Variants in GOLGA8B observed in about 807,000 individuals in gnomAD.
GOLGA8B encodes the protein golgin A8 family member B.
Under a neutral mutation model 15.6 loss-of-function variants are expected in GOLGA8B, and 1 was observed. That is an observed-to-expected ratio of 0.06 (90% CI 0.02 to 0.30). The LOEUF (loss-of-function observed/expected upper bound fraction) is 0.30, where lower values mean the gene tolerates loss of function less well. Ranked by LOEUF, GOLGA8B falls within the 10% of genes least tolerant of loss-of-function variation. The probability of loss-of-function intolerance (pLI) is 1.00; values close to 1 mark genes in which losing one functional copy is unlikely to be tolerated. For missense variants in GOLGA8B, 17 were observed against 201.3 expected (o/e 0.08, Z 5.54); for synonymous variants, 9 against 80.3 (o/e 0.11, Z 4.75).
intron 1 of GOLGA8B, among the ~76,000 whole-genome samples, chr15:34,572,071 T>C (rs1207772761): frequency 6.6e-6 from 1 of 152,234 alleles, no homozygotes; most frequent in Admixed American, 6.5e-5. Context: ...CTTGTTATCA[T>C]TCACAATTTT....
At chr15:34,573,736 T>C (rs1888989144) in intron 1 of GOLGA8B, among the ~76,000 whole-genome samples, 1 of 151,912 alleles carries the variant, frequency 6.6e-6, no homozygotes, top group African/African-American at 2.4e-5. Flanking sequence ...ACAGAGCAAA[T>C]CCACCTACTG....
intron 1 of GOLGA8B, among the ~76,000 whole-genome samples, chr15:34,578,067 T>G (rs1234791780): frequency 6.6e-6 from 1 of 152,190 alleles, no homozygotes; most frequent in Admixed American, 6.5e-5. Flanking sequence ...CATATGTATC[T>G]CAACTGAAAA....
rs1251629620 is a variant in GOLGA8B, at chr15:34,527,217, G to A, written c.*415C>T. 1.5e-5 allele frequency: 5 copies of A among 331,914 alleles called. No individual in the cohort carries two copies. The highest frequency in any genetic ancestry group is 2.9e-5 in the Non-Finnish European group (5 of 174,058). 20.6% of individuals were successfully genotyped at this position (331,914 alleles called of 1,614,324 possible). ...TAAGATGAGATCAAACATCATAGCA[G>A]AACATTAGCAAATTTTATCTGAATT... On this transcript the variant is annotated 3_prime_UTR_variant, in exon 24 of 24. Coordinates refer to ENST00000683415, the MANE Select transcript of GOLGA8B (RefSeq NM_001023567.5).
chr15:34,569,236 A>G (rs1446325134), intron 1 of GOLGA8B, among the ~76,000 whole-genome samples: 1 of 144,106 alleles, frequency 6.9e-6, no homozygotes, highest in Non-Finnish European at 1.5e-5. Context: ...GTCTGAATGA[A>G]GCCAGAAATG....
chr15:34,564,830 T>C (rs138042375), intron 1 of GOLGA8B, among the ~76,000 whole-genome samples: 2,243 of 144,128 alleles, frequency 0.016, 375 homozygotes, highest in Non-Finnish European at 0.026. Context: ...GTGGGAGGAC[T>C]TCCTGTGTCA....
At chr15:34,575,662 T>C (rs1328598489) in intron 1 of GOLGA8B, among the ~76,000 whole-genome samples, 2 of 152,168 alleles carry the variant, frequency 1.3e-5, no homozygotes, top group Non-Finnish European at 2.9e-5. Context: ...AGGGCTCTTC[T>C]GGCCTGGGCT....
At chr15:34,582,960 G>A (rs1348296435) in intron 1 of GOLGA8B, 2 of 152,230 alleles carry the variant, frequency 1.3e-5, no homozygotes, top group African/African-American at 4.8e-5. Flanking sequence ...GGGGCAACAA[G>A]GTGTGGGGTT....
chr15:34,567,495 G>T (rs150137652), intron 1 of GOLGA8B, among the ~76,000 whole-genome samples: 3 of 150,844 alleles, frequency 2.0e-5, no homozygotes, highest in South Asian at 2.1e-4. Flanking sequence ...CATTAAACGA[G>T]AAGAAAATCG....
chr15:34,539,679 AT>A (rs894998504), intron 7 of GOLGA8B, among the ~76,000 whole-genome samples: 1 of 33,528 alleles, frequency 3.0e-5, no homozygotes, highest in African/African-American at 1.4e-4. Context: ...TCTGTCCAGG[AT>A]TTTTCTCTGA....
chr15:34,567,908 C>G (rs545609607), intron 1 of GOLGA8B, among the ~76,000 whole-genome samples: 5,151 of 151,770 alleles, frequency 0.034, 153 homozygotes, highest in African/African-American at 0.12. Flanking sequence ...AAGCCACTTA[C>G]CCCTTTTTCA....
chr15:34,556,877 G>A (rs1310535843), intron 1 of GOLGA8B: 2 of 815,328 alleles, frequency 2.5e-6, no homozygotes, highest in African/African-American at 1.8e-5. Context: ...GGACCTCAGG[G>A]TACAGGCCTC....
intron 1 of GOLGA8B, among the ~76,000 whole-genome samples, chr15:34,571,280 T>A (rs1046225899): frequency 2.6e-5 from 4 of 151,892 alleles, no homozygotes; most frequent in Non-Finnish European, 5.9e-5. Flanking sequence ...ACCGCTGCAA[T>A]CCAGCCTGGG....
At chr15:34,567,248 A>C (rs1269366329) in intron 1 of GOLGA8B, among the ~76,000 whole-genome samples, 1 of 145,322 alleles carries the variant, frequency 6.9e-6, no homozygotes, top group African/African-American at 2.6e-5. Context: ...CCTGGCCAAC[A>C]GGGCAGCCCA....
chr15:34,583,259 G>T (rs1324821654), intron 1 of GOLGA8B, among the ~76,000 whole-genome samples: 6 of 151,854 alleles, frequency 4.0e-5, no homozygotes, highest in Non-Finnish European at 2.9e-5. Context: ...CGAGAGTATT[G>T]CCTGGTCCCC....
chr15:34,575,453 T>C (rs1346497620), intron 1 of GOLGA8B, among the ~76,000 whole-genome samples: 1 of 151,866 alleles, frequency 6.6e-6, no homozygotes, highest in Admixed American at 6.6e-5. Context: ...TGGTAAAATA[T>C]GTGTTGTTAT....
intron 1 of GOLGA8B, among the ~76,000 whole-genome samples, chr15:34,577,306 T>C (rs1239596424): frequency 6.6e-6 from 1 of 152,126 alleles, no homozygotes; most frequent in Non-Finnish European, 1.5e-5. Flanking sequence ...GTTACTCAAC[T>C]AGTGGCTTTA....
At chr15:34,560,889 C>G (rs201695174) in intron 1 of GOLGA8B, among the ~76,000 whole-genome samples, 1 of 127,494 alleles carries the variant, frequency 7.8e-6, no homozygotes, top group East Asian at 2.6e-4. Context: ...GAAGAACCAG[C>G]CATGCTGGCC....
intron 1 of GOLGA8B, among the ~76,000 whole-genome samples, chr15:34,576,220 G>T (rs548511726): frequency 6.6e-6 from 1 of 152,344 alleles, no homozygotes; most frequent in African/African-American, 2.4e-5. Context: ...CCCCACGGCA[G>T]CTCCCCAAAT....
At chr15:34,576,322 C>T (rs139309536) in intron 1 of GOLGA8B, among the ~76,000 whole-genome samples, 58 of 152,264 alleles carry the variant, frequency 3.8e-4, no homozygotes, top group Middle Eastern at 6.8e-3. Flanking sequence ...AGCACAGGCA[C>T]GCCTGTGATC....
Sources: gnomAD v4.1 joint callset for allele counts (sites outside exome capture counted in the v4.1 genomes callset) on GRCh38, gnomAD v4.1.1 for gene constraint, MANE v1.5 for transcripts, NCBI Gene and HGNC (gene_info 2026-07-23, HGNC 2026-07-21) for gene names.